Variants in WDHD1 observed in about 807,000 individuals in gnomAD.
WDHD1 encodes WD repeat and HMG-box DNA binding protein 1.
WDHD1 carries 111 observed loss-of-function variants against 135.4 expected under a neutral mutation model. That is an observed-to-expected ratio of 0.82 (90% CI 0.70 to 0.96). WDHD1 has a LOEUF of 0.96. Among genes scored for constraint, WDHD1 ranks in the 40% least tolerant of loss-of-function variants. WDHD1 has a pLI of 0.00. For synonymous variants in WDHD1, 434 were observed against 439.0 expected (o/e 0.99, Z 0.14); for missense variants, 1,351 against 1,336.3 (o/e 1.01, Z -0.17).
intron 16 of WDHD1, among the ~76,000 whole-genome samples, chr14:54,978,724 T>C (rs1043034722): frequency 6.6e-6 from 1 of 152,238 alleles, no homozygotes; most frequent in Non-Finnish European, 1.5e-5. Flanking sequence ...TCTCTACTAA[T>C]TCAATTTTGC....
At chr14:55,010,277 T>G (rs761696556) in intron 4 of WDHD1, 32 bp downstream of exon 4, 3 of 1,525,296 alleles carry the variant, frequency 2.0e-6, no homozygotes, top group Non-Finnish European at 8.8e-7. Flanking sequence ...TGTTCTAACA[T>G]TATTTCCTTT....
At chr14:54,984,883 A>T in intron 14 of WDHD1, 23 bp from the exon 15 acceptor site, 1 of 1,606,058 alleles carries the variant, frequency 6.2e-7, no homozygotes, top group African/African-American at 1.3e-5. Context: ...TGTAAATATA[A>T]ATCAGGCATC....
chr14:55,000,271 T>C (rs888542117), intron 10 of WDHD1, among the ~76,000 whole-genome samples: 4 of 152,192 alleles, frequency 2.6e-5, no homozygotes, highest in Non-Finnish European at 5.9e-5. Flanking sequence ...TAATGAAAGG[T>C]ATTCCTTGGA....
Position 54,982,726 on chromosome 14 carries a change from G to T in WDHD1, c.1907-1030C>A, listed in dbSNP as rs577233158. Among the ~76,000 whole-genome samples the T allele has an allele frequency of 3.9e-5, 6 of 152,282 alleles. No individual in the cohort carries two copies. The South Asian group carries it at 1.2e-3, about 32-fold the overall frequency. ...TCAATGGTTCATATTATTAAAGCCT[G>T]AATGACTAATAGAAAACACATTTAG... On this transcript the variant is annotated intron_variant, in intron 15 of 25. Transcript: ENST00000360586.
rs913662396 is a variant in WDHD1, at chr14:54,939,389, T to C, written c.*2101A>G. On this transcript the variant is annotated 3_prime_UTR_variant, in exon 26 of 26. Transcript: ENST00000360586. ...CAGAGCTGCACATAACCCCAGTGCC[T>C]ATTCACTTGTTCTCCAAAATAAATC... 3.3e-4 allele frequency: 50 copies of C among 152,184 alleles called. 1 individual carries two copies. 9.4% of individuals were successfully genotyped at this position (152,184 alleles called of 1,614,324 possible).
intron 24 of WDHD1, among the ~76,000 whole-genome samples, chr14:54,949,069 G>T (rs2040987866): frequency 6.6e-6 from 1 of 152,252 alleles, no homozygotes; most frequent in Middle Eastern, 3.4e-3. Context: ...GAGCAAAAAA[G>T]CTGAAAATTC....
In WDHD1 at chr14:54,967,398, T is replaced by C; in HGVS notation, c.2064-4A>G. The stretch of plus-strand genomic sequence containing the variant: ...AGAACCTTTACAAGGAATGCACCTG[T>C]TAGTAAAGAAAAGTTCCATCATAAA... On this transcript the variant is annotated splice_polypyrimidine_tract_variant and splice_region_variant and intron_variant, in intron 16 of 25. Transcript: ENST00000360586. The C allele has an allele frequency of 6.3e-7, 1 of 1,584,918 alleles. No homozygotes were observed. Among genetic ancestry groups the C allele is most frequent in the Non-Finnish European group, 8.6e-7 (1 of 1,169,308 alleles).
At chr14:54,993,503 G>A (rs961351886) in intron 11 of WDHD1, among the ~76,000 whole-genome samples, 13 of 152,150 alleles carry the variant, frequency 8.5e-5, no homozygotes, top group African/African-American at 3.1e-4. Flanking sequence ...TTTAGGAAAC[G>A]ATCATCTTCT....
At chr14:55,024,058 C>T (rs1183461348) in intron 2 of WDHD1, among the ~76,000 whole-genome samples, 5 of 151,986 alleles carry the variant, frequency 3.3e-5, no homozygotes, top group East Asian at 3.8e-4. Context: ...CTACATGGTT[C>T]GTCTGCTAGT....
rs561032242 is a variant in WDHD1, at chr14:54,960,271, C to A, written c.2701+2227G>T. ...CAAGCTCTGCCTCCCGGGTTCACGCCATTCTCCTGCCTCAGCCTCCCAAGT... is the reference window on the plus strand; with the variant it reads ...CAAGCTCTGCCTCCCGGGTTCACGCAATTCTCCTGCCTCAGCCTCCCAAGT... On this transcript the variant is annotated intron_variant, in intron 21 of 25. Coordinates refer to ENST00000360586, the MANE Select transcript of WDHD1 (RefSeq NM_007086.4). 4.7e-4 allele frequency among the ~76,000 whole-genome samples: 71 copies of A among 151,908 alleles called. 1 individual carries two copies. The highest frequency in any genetic ancestry group is 2.4e-3 in the Admixed American group (37 of 15,254).
At chr14:55,007,438 A>T in intron 6 of WDHD1, 63 bp from the exon 7 acceptor site, 6 of 1,171,842 alleles carry the variant, frequency 5.1e-6, no homozygotes, top group Non-Finnish European at 6.1e-6. Context: ...TATATGCAGA[A>T]CTGAATATAT....
At chr14:54,952,005 G>T (rs1025478106) in intron 24 of WDHD1, among the ~76,000 whole-genome samples, 2 of 152,122 alleles carry the variant, frequency 1.3e-5, no homozygotes, top group African/African-American at 4.8e-5. Flanking sequence ...AATAATAAGA[G>T]CTATTTATGA....
At chr14:55,008,918 T>A (rs2042119052) in intron 4 of WDHD1, among the ~76,000 whole-genome samples, 199 bp from the exon 5 acceptor site, 1 of 151,780 alleles carries the variant, frequency 6.6e-6, no homozygotes, top group Admixed American at 6.6e-5. Context: ...TGCCTCAGCC[T>A]CCCGAGTAGC....
chr14:54,941,615 CAT>C lies in WDHD1; in HGVS notation c.3263_3264del (p.Asp1088GlyfsTer3). The part of the protein sequence containing the change: ...TEAKKRKRVV[D>X]ESDETENQEE... Reference sequence around the variant, plus strand: ...TCCTGGTTTTCTGTTTCATCACTTTCATCAACCACACGTTTTCGCTTCTTTGC... The same window carrying C: ...TCCTGGTTTTCTGTTTCATCACTTTCCAACCACACGTTTTCGCTTCTTTGC... On this transcript the variant is annotated frameshift_variant, in exon 26 of 26. Coordinates refer to ENST00000360586, the MANE Select transcript of WDHD1 (RefSeq NM_007086.4). LOFTEE classifies it high-confidence loss of function. 6.2e-7 allele frequency: 1 copy of C among 1,614,034 alleles called. No homozygotes were observed. The highest frequency in any genetic ancestry group is 8.5e-7 in the Non-Finnish European group (1 of 1,179,956).
intron 18 of WDHD1, 50 bp downstream of exon 18, chr14:54,966,425 T>A: frequency 6.4e-7 from 1 of 1,556,238 alleles, no homozygotes; most frequent in South Asian, 1.2e-5. Flanking sequence ...AAATTCAACC[T>A]ATAGAAAAGC....
intron 16 of WDHD1, among the ~76,000 whole-genome samples, chr14:54,969,321 C>T (rs990942905): frequency 2.0e-5 from 3 of 147,314 alleles, no homozygotes; most frequent in Admixed American, 6.8e-5. Context: ...CCACCGCGCC[C>T]AGCATTAAGA....
At chr14:54,985,177 C>T (rs1374993358) in intron 14 of WDHD1, among the ~76,000 whole-genome samples, 10 of 152,142 alleles carry the variant, frequency 6.6e-5, no homozygotes, top group Admixed American at 6.6e-4. Context: ...TTATTAAATT[C>T]AAATTTCAGG....
chr14:54,997,291 T>A (rs1433263295), intron 10 of WDHD1, among the ~76,000 whole-genome samples: 1 of 152,066 alleles, frequency 6.6e-6, no homozygotes, highest in South Asian at 2.1e-4. Context: ...AGACGGGGTT[T>A]CCCCATGTTG....
intron 7 of WDHD1, chr14:55,005,775 C>T (rs1439006777): frequency 3.0e-6 from 1 of 332,456 alleles, no homozygotes; most frequent in Non-Finnish European, 5.6e-6. Flanking sequence ...CCCTCATGGG[C>T]TTTAGAATCA....
Sources: allele counts gnomAD v4.1 joint callset (sites outside exome capture counted in the v4.1 genomes callset), GRCh38; gene constraint gnomAD v4.1.1; transcripts MANE v1.5; gene names NCBI Gene and HGNC (gene_info 2026-07-23, HGNC 2026-07-21).